Variants in PCDHA5 observed in about 807,000 individuals in gnomAD.
PCDHA5 encodes the protein protocadherin alpha 5.
In PCDHA5, 43 loss-of-function variants were observed where a neutral mutation model predicts 61.6. The ratio of observed to expected loss-of-function variants is 0.70; its 90% CI spans 0.55 to 0.90. PCDHA5 has a LOEUF of 0.90. Among genes scored for constraint, PCDHA5 ranks in the 40% least tolerant of loss-of-function variants. PCDHA5 has a pLI of 0.00. For missense variants in PCDHA5, 1,298 were observed against 1,222.7 expected, an observed-to-expected ratio of 1.06 and a Z score of -0.92; for synonymous variants, 627 against 543.9, an observed-to-expected ratio of 1.15 and a Z score of -2.13.
At chr5:140,968,170 C>G in intron 1 of PCDHA5, 1 of 1,614,132 alleles carries the variant, frequency 6.2e-7, no homozygotes, top group Middle Eastern at 1.6e-4. Context: ...ATCCACCAAG[C>G]TTCCTGGAGG....
At chr5:140,852,947 T>C in intron 1 of PCDHA5, 2 of 520,496 alleles carry the variant, frequency 3.8e-6, no homozygotes, top group Non-Finnish European at 2.5e-6. Flanking sequence ...GGTGCCATCT[T>C]GGCTCACTCC....
chr5:140,874,547 G>C (rs2054980934), intron 1 of PCDHA5, among the ~76,000 whole-genome samples: 1 of 152,190 alleles, frequency 6.6e-6, no homozygotes, highest in Non-Finnish European at 1.5e-5. Context: ...AACCCTTTAA[G>C]AGATCTTTCG....
At chr5:140,829,667 G>C in intron 1 of PCDHA5, 1 of 1,612,886 alleles carries the variant, frequency 6.2e-7, no homozygotes, top group Non-Finnish European at 8.5e-7. Context: ...GCTGGACCAC[G>C]AGGAGCTAGA....
chr5:140,857,748 C>A (rs782353510), intron 1 of PCDHA5: 1 of 1,597,386 alleles, frequency 6.3e-7, no homozygotes, highest in African/African-American at 1.3e-5. Flanking sequence ...CTGCTGGCGT[C>A]TCCCGCTGGC....
At chr5:140,976,232 G>C (rs2096707189) in intron 1 of PCDHA5, among the ~76,000 whole-genome samples, 1 of 152,098 alleles carries the variant, frequency 6.6e-6, no homozygotes, top group Non-Finnish European at 1.5e-5. Flanking sequence ...AAAAATATAT[G>C]TCATTTCATG....
intron 1 of PCDHA5, chr5:140,881,225 T>C (rs1026658425): frequency 9.3e-5 from 25 of 267,532 alleles, no homozygotes; most frequent in Non-Finnish European, 1.4e-4. Context: ...TCTTGGAAAA[T>C]TAAAGTCAAT....
chr5:140,964,087 G>T (rs2095809523), intron 1 of PCDHA5, among the ~76,000 whole-genome samples: 1 of 152,078 alleles, frequency 6.6e-6, no homozygotes, highest in African/African-American at 2.4e-5. Context: ...TTGTAGAAAG[G>T]GTAATTAACA....
intron 1 of PCDHA5, among the ~76,000 whole-genome samples, chr5:140,939,871 T>G (rs2092481346): frequency 6.6e-6 from 1 of 152,230 alleles, no homozygotes; most frequent in Non-Finnish European, 1.5e-5. Context: ...TAGGTCATCT[T>G]TGCTAGTTGT....
At chr5:140,972,624 G>A (rs2096543924) in intron 1 of PCDHA5, among the ~76,000 whole-genome samples, 1 of 150,616 alleles carries the variant, frequency 6.6e-6, no homozygotes, top group Non-Finnish European at 1.5e-5. Flanking sequence ...GAATGTTGTT[G>A]GCACTCCCTT....
At chr5:140,901,952 C>T (rs1427349795) in intron 1 of PCDHA5, among the ~76,000 whole-genome samples, 6 of 151,888 alleles carry the variant, frequency 4.0e-5, no homozygotes, top group Non-Finnish European at 8.8e-5. Context: ...TAGTTTTATT[C>T]GTGGCTATCG....
intron 1 of PCDHA5, chr5:140,856,124 G>A (rs2043793970): frequency 6.3e-7 from 1 of 1,598,042 alleles, no homozygotes; most frequent in African/African-American, 1.3e-5. Context: ...CTGGGAGGTG[G>A]GGAGCGGCCA....
intron 1 of PCDHA5, among the ~76,000 whole-genome samples, chr5:140,962,106 C>T (rs1156902232): frequency 4.6e-5 from 7 of 152,130 alleles, no homozygotes; most frequent in Non-Finnish European, 7.4e-5. Context: ...AGGATGGTCT[C>T]GATCTCCTAA....
intron 1 of PCDHA5, chr5:140,968,888 CTAA>C: frequency 6.2e-7 from 1 of 1,614,210 alleles, no homozygotes; most frequent in Non-Finnish European, 8.5e-7. Context: ...TACCCTTTAT[CTAA>C]TAATAGCATT....
intron 1 of PCDHA5, among the ~76,000 whole-genome samples, chr5:140,897,022 A>G (rs1009125089): frequency 2.6e-5 from 4 of 152,142 alleles, no homozygotes; most frequent in Non-Finnish European, 2.9e-5. Flanking sequence ...CAACTAAATT[A>G]TTTAGACCAT....
intron 3 of PCDHA5, among the ~76,000 whole-genome samples, chr5:141,007,690 C>T (rs2098341020): frequency 6.6e-6 from 1 of 152,224 alleles, no homozygotes; most frequent in Non-Finnish European, 1.5e-5. Flanking sequence ...CCTACTTCCA[C>T]CTCCCTCCTC....
chr5:141,010,096 A>G lies in PCDHA5; in HGVS notation c.*159A>G. The G allele has an allele frequency of 6.2e-7, 1 of 1,612,840 alleles. No individual in the cohort carries two copies. Among genetic ancestry groups the G allele is most frequent in the Non-Finnish European group, 8.5e-7 (1 of 1,179,378 alleles). ...CCTGTGTCTGTCTAGAACGCATTTA[A>G]CAGGTTTTGTCGTAAAAGCTTTACT... On this transcript the variant is annotated 3_prime_UTR_variant, in exon 4 of 4. Transcript: ENST00000529859.
At chr5:140,864,277 T>A (rs1203382304) in intron 1 of PCDHA5, 6 of 152,228 alleles carry the variant, frequency 3.9e-5, no homozygotes, top group South Asian at 2.1e-4. Context: ...CTCCATTCCT[T>A]ATTGTTTTTA....
intron 3 of PCDHA5, among the ~76,000 whole-genome samples, chr5:140,992,987 C>G (rs1259400627): frequency 6.6e-6 from 1 of 152,158 alleles, no homozygotes; most frequent in East Asian, 1.9e-4. Context: ...GGCCATGGGA[C>G]CCATGAAAGA....
chr5:140,942,615 A>G (rs1310858123), intron 1 of PCDHA5, among the ~76,000 whole-genome samples: 1 of 101,274 alleles, frequency 9.9e-6, no homozygotes, highest in African/African-American at 4.7e-5. Context: ...ATATTTGCCA[A>G]TTGTAAAAAA....
Sources: allele counts gnomAD v4.1 joint callset (sites outside exome capture counted in the v4.1 genomes callset), GRCh38; gene constraint gnomAD v4.1.1; transcripts MANE v1.5; gene names NCBI Gene and HGNC (gene_info 2026-07-23, HGNC 2026-07-21).